The following MGRN1 variants were observed in gnomAD, a reference collection of about 807,000 sequenced individuals.
The protein encoded by MGRN1 is E3 ubiquitin-protein ligase MGRN1.
Under a neutral mutation model 69.2 loss-of-function variants are expected in MGRN1, and 29 were observed. The ratio of observed to expected loss-of-function variants is 0.42; its 90% confidence interval spans 0.31 to 0.57. The LOEUF is 0.57. MGRN1 is among the 20% of genes least tolerant of loss of function. The pLI is 0.15. For missense variants in MGRN1, 998 were observed against 796.2 expected (o/e 1.25, Z -3.05); for synonymous variants, 470 against 344.2 (o/e 1.37, Z -4.04).
At chr16:4,629,711 C>G (rs1265427778) in intron 1 of MGRN1, among the ~76,000 whole-genome samples, 1 of 149,584 alleles carries the variant, frequency 6.7e-6, no homozygotes, top group African/African-American at 2.5e-5. Context: ...TGCACTCCAG[C>G]CTGGTGAAAG....
In MGRN1 at chr16:4,675,629, G is replaced by T. The variant is rs530501084; in HGVS notation, c.956-1834G>T. 3.3e-5 allele frequency among the ~76,000 whole-genome samples: 5 copies of T among 152,070 alleles called. 1 individual carries two copies. The highest frequency in any genetic ancestry group is 1.2e-4 in the African/African-American group (5 of 41,464). On this transcript the variant is annotated intron_variant, in intron 10 of 16. Coordinates refer to ENST00000262370, the MANE Select transcript of MGRN1 (RefSeq NM_015246.4). ...GGCTATAGTACCAGTGACTTGGAAGGCTGAGGCGGGAGGATCGGCTGAGCC... is the reference window on the plus strand; with the variant it reads ...GGCTATAGTACCAGTGACTTGGAAGTCTGAGGCGGGAGGATCGGCTGAGCC...
intron 7 of MGRN1, among the ~76,000 whole-genome samples, chr16:4,665,489 C>T (rs2141926035): frequency 6.6e-6 from 1 of 151,804 alleles, no homozygotes; most frequent in African/African-American, 2.4e-5. Flanking sequence ...CCACCTCAAC[C>T]TCCCGAGTAC....
intron 7 of MGRN1, 144 bp downstream of exon 7, chr16:4,665,295 G>A (rs997392289): frequency 1.2e-4 from 90 of 776,360 alleles, no homozygotes; most frequent in Non-Finnish European, 4.2e-5. Context: ...GGGCGTGTCT[G>A]TGGCTTCCTG....
chr16:4,657,109 C>A, intron 4 of MGRN1, 137 bp from the exon 5 acceptor site: 1 of 780,528 alleles, frequency 1.3e-6, no homozygotes, highest in East Asian at 2.5e-5. Flanking sequence ...GCCATGTAGG[C>A]TGTTTGCTGT....
chr16:4,681,898 C>G, intron 13 of MGRN1, 122 bp downstream of exon 13: 1 of 989,328 alleles, frequency 1.0e-6, no homozygotes, highest in Non-Finnish European at 1.5e-6. Context: ...CAGAAGGACT[C>G]GGAGACCCCG....
intron 1 of MGRN1, among the ~76,000 whole-genome samples, chr16:4,648,128 T>C (rs2078313285): frequency 6.6e-6 from 1 of 152,146 alleles, no homozygotes; most frequent in African/African-American, 2.4e-5. Flanking sequence ...CCAGTGGGAA[T>C]TCTGAGAATT....
At position 4,673,804 on chromosome 16, in the gene MGRN1, G is replaced by C. The variant is rs143849942; in HGVS notation, c.955+147G>C. 2.0e-4 allele frequency: 216 copies of C among 1,098,320 alleles called. No individual in the cohort carries two copies. The African/African-American group carries it at 2.4e-3, about 12-fold the overall frequency. The allele number at this position is 1,098,320 out of a possible 1,614,324, so 68.0% of individuals were successfully genotyped here. On this transcript the variant is annotated intron_variant, in intron 10 of 16. Transcript: ENST00000262370. ...CATCTAGTCTGTGCTGAACGTGGGCGTGTTGGCTGTCGGAGTCAGTCACCG... is the reference window on the plus strand; with the variant it reads ...CATCTAGTCTGTGCTGAACGTGGGCCTGTTGGCTGTCGGAGTCAGTCACCG...
At chr16:4,653,622 G>A (rs1050304974) in intron 4 of MGRN1, among the ~76,000 whole-genome samples, 1 of 151,992 alleles carries the variant, frequency 6.6e-6, no homozygotes, top group Non-Finnish European at 1.5e-5. Context: ...CTGAGTAGCT[G>A]GGACTACAGG....
At chr16:4,643,475 T>C (rs1323509867) in intron 1 of MGRN1, among the ~76,000 whole-genome samples, 1 of 149,170 alleles carries the variant, frequency 6.7e-6, no homozygotes, top group Non-Finnish European at 1.5e-5. Flanking sequence ...GTTCAAGGAA[T>C]TCTCCTGCCT....
chr16:4,681,435 G>A (rs750870887), intron 12 of MGRN1, 115 bp from the exon 13 acceptor site: 4 of 988,818 alleles, frequency 4.0e-6, no homozygotes, highest in Non-Finnish European at 5.9e-6. Context: ...ACCCTCTGAG[G>A]GTGGGGGAGT....
At chr16:4,688,597 G>A (rs2079388388) in intron 16 of MGRN1, 199 bp from the exon 17 acceptor site, 1 of 1,348,372 alleles carries the variant, frequency 7.4e-7, no homozygotes, top group Non-Finnish European at 9.6e-7. Context: ...TCCCAAGAGG[G>A]ACACAGCGTA....
chr16:4,633,299 G>C (rs1898102421), intron 1 of MGRN1, among the ~76,000 whole-genome samples: 1 of 152,022 alleles, frequency 6.6e-6, no homozygotes, highest in African/African-American at 2.4e-5. Flanking sequence ...TGAGGCAGGA[G>C]AACTGCTTTA....
At chr16:4,666,991 T>C (rs7195693) in intron 7 of MGRN1, among the ~76,000 whole-genome samples, 5,147 of 152,284 alleles carry the variant, frequency 0.034, 292 homozygotes, top group African/African-American at 0.12. Flanking sequence ...GATAGTGCCT[T>C]GGTGCCTCGG....
intron 12 of MGRN1, 87 bp from the exon 13 acceptor site, chr16:4,681,463 C>G: frequency 2.3e-6 from 3 of 1,301,148 alleles, no homozygotes; most frequent in Non-Finnish European, 3.2e-6. Context: ...CCCCAAAGAA[C>G]AGAGTGGACA....
chr16:4,688,682 C>T (rs1021678634), intron 16 of MGRN1, 114 bp from the exon 17 acceptor site: 50 of 1,448,240 alleles, frequency 3.5e-5, no homozygotes, highest in East Asian at 1.8e-4. Flanking sequence ...CCACAGGCGG[C>T]GGGAGTGGGG....
intron 3 of MGRN1, 61 bp from the exon 4 acceptor site, chr16:4,652,617 G>C: frequency 1.3e-6 from 2 of 1,543,782 alleles, no homozygotes; most frequent in South Asian, 2.4e-5. Context: ...GGCAGGGGAG[G>C]AGGCAGCCTC....
chr16:4,638,560 A>T (rs2078083646), intron 1 of MGRN1, among the ~76,000 whole-genome samples: 2 of 151,542 alleles, frequency 1.3e-5, no homozygotes. Flanking sequence ...GCCCAGGGGG[A>T]TCAATGCGTG....
intron 1 of MGRN1, among the ~76,000 whole-genome samples, chr16:4,631,423 T>A (rs530147165): frequency 6.6e-6 from 1 of 152,344 alleles, no homozygotes; most frequent in Non-Finnish European, 1.5e-5. Context: ...GTCCCAGAAG[T>A]TCTCAACTGG....
intron 11 of MGRN1, among the ~76,000 whole-genome samples, chr16:4,678,422 C>G (rs928756328): frequency 6.6e-6 from 1 of 151,360 alleles, no homozygotes; most frequent in African/African-American, 2.4e-5. Flanking sequence ...TGGAGAGACA[C>G]AGAGACAGGA....
Sources: gnomAD v4.1 joint callset for allele counts (sites outside exome capture counted in the v4.1 genomes callset) on GRCh38, gnomAD v4.1.1 for gene constraint, MANE v1.5 for transcripts, NCBI Gene and HGNC (gene_info 2026-07-23, HGNC 2026-07-21) for gene names.